SPTBN4: variants seen among roughly 807,000 people sequenced by gnomAD.
The protein encoded by SPTBN4 is spectrin beta, non-erythrocytic 4.
Under a neutral mutation model 277.8 loss-of-function variants are expected in SPTBN4, and 96 were observed. The ratio of observed to expected loss-of-function variants is 0.35; its 90% CI spans 0.29 to 0.41. The LOEUF (loss-of-function observed/expected upper bound fraction) is 0.41. Ranked by LOEUF, SPTBN4 falls within the 10% of genes least tolerant of loss-of-function variation. SPTBN4 has a pLI of 1.00. For missense variants in SPTBN4, 3,006 were observed against 3,595.7 expected, an observed-to-expected ratio of 0.84 and a Z score of 4.19; for synonymous variants, 1,481 against 1,580.3, an observed-to-expected ratio of 0.94 and a Z score of 1.49.
At position 40,487,970 on chromosome 19, in the gene SPTBN4, G is replaced by C. The variant is rs149277146; in HGVS notation, c.321+122G>C. ...GGCTCATGGGCGAGTGGAACGTGCT[G>C]GAAGGGCCCTGTGGGTAAGAGGTCC... On this transcript the variant is annotated intron_variant, in intron 3 of 35. Transcript: ENST00000598249. 6.3e-4 allele frequency: 738 copies of C among 1,170,542 alleles called. 3 individuals carry two copies. In the African/African-American group the frequency reaches 0.01, roughly 16 times the overall value. 72.5% of individuals were successfully genotyped at this position (1,170,542 alleles called of 1,614,324 possible).
intron 26 of SPTBN4, among the ~76,000 whole-genome samples, chr19:40,557,730 CAACGTGGTGA>C (rs961724622): frequency 3.9e-5 from 6 of 152,024 alleles, no homozygotes; most frequent in Admixed American, 6.6e-5. Flanking sequence ...CCAGCCTGGT[CAACGTGGTGA>C]AACCCCATCT....
At chr19:40,536,926 C>T (rs966900966) in intron 20 of SPTBN4, among the ~76,000 whole-genome samples, 10 of 151,972 alleles carry the variant, frequency 6.6e-5, no homozygotes, top group African/African-American at 2.2e-4. Flanking sequence ...GCTGGGACTA[C>T]GGACCCACAC....
intron 35 of SPTBN4, 150 bp downstream of exon 35, chr19:40,572,530 C>G (rs1420081945): frequency 1.0e-6 from 1 of 983,998 alleles, no homozygotes; most frequent in South Asian, 1.5e-5. Flanking sequence ...GCACTGAGAG[C>G]CCAAAGGAGG....
At chr19:40,521,166 G>A (rs909466732) in intron 16 of SPTBN4, among the ~76,000 whole-genome samples, 1 of 151,952 alleles carries the variant, frequency 6.6e-6, no homozygotes. Context: ...CTCATGATCC[G>A]CCTGCCTCGG....
Position 40,565,438 on chromosome 19 carries a change from G to A in SPTBN4, c.5931G>A (p.Val1977=). The A allele has an allele frequency of 6.2e-7, 1 of 1,613,840 alleles. No homozygotes were observed. Among genetic ancestry groups the A allele is most frequent in the Non-Finnish European group, 8.5e-7 (1 of 1,179,840 alleles). The part of the protein sequence containing the change: ...AADKPRDVSS[V]EVLMNYHQGL... Reference sequence around the variant, plus strand: ...CCCACTGCAGGGACGTGTCATCAGTGGAGGTGCTCATGAACTACCACCAGG... The same window carrying A: ...CCCACTGCAGGGACGTGTCATCAGTAGAGGTGCTCATGAACTACCACCAGG... The change falls in exon 28 of 36, where the codon GTG becomes GTA. Residue 1977 remains valine (V), a synonymous_variant. Coordinates refer to ENST00000598249, the MANE Select transcript of SPTBN4 (RefSeq NM_020971.3).
rs1208447098 is a variant in SPTBN4 at position 40,494,930 on chromosome 19, C to T, written c.621C>T (p.Thr207=). The T allele has an allele frequency of 6.2e-7, 1 of 1,614,042 alleles. No individual in the cohort carries two copies. Among genetic ancestry groups the T allele is most frequent in the Non-Finnish European group, 8.5e-7 (1 of 1,180,020 alleles). ...AGGTAAACATCCAGAATTTCACCAC[C>T]AGCTGGCGGGATGGCTTGGCCTTCA... ...YPEVNIQNFT[T]SWRDGLAFNA... Residue 207 remains threonine, a synonymous_variant, in exon 6 of 36, where the codon ACC becomes ACT. Coordinates refer to ENST00000598249, the MANE Select transcript of SPTBN4 (RefSeq NM_020971.3).
chr19:40,570,847 A>T, intron 33 of SPTBN4, 119 bp downstream of exon 33: 30 of 999,718 alleles, frequency 3.0e-5, no homozygotes, highest in East Asian at 7.2e-5. Flanking sequence ...AGGTGGCGGT[A>T]GTAGGTGGGG....
chr19:40,491,732 A>AAAAAAAG (rs2080139022), intron 4 of SPTBN4, among the ~76,000 whole-genome samples: 3 of 149,370 alleles, frequency 2.0e-5, no homozygotes, highest in Non-Finnish European at 3.0e-5. Flanking sequence ...AAAAAAAAAA[A>AAAAAAAG]AAAAAAGTGA....
Position 40,534,260 on chromosome 19 carries a change from C to T in SPTBN4, c.4276C>T (p.Leu1426Phe). 1 of 1,614,160 alleles carries T rather than the reference C, an allele frequency of 6.2e-7. No individual in the cohort carries two copies. Among genetic ancestry groups the T allele is most frequent in the South Asian group, 1.1e-5 (1 of 91,080 alleles). ...GAGCTTTGCTGAGCTGGACAAGAAG[C>T]TCCTTCACATGGAGAGCCAGCTGCA... ...VQSFAELDKK[L>F]LHMESQLQDV... Residue 1426 changes from leucine (L) to phenylalanine (F), a missense_variant, in exon 20 of 36, where the codon CTC becomes TTC. By Grantham distance (22) the Leu-to-Phe change is conservative (BLOSUM62 0). This residue lies in a region of SPTBN4 where 1,759 missense variants were observed against 2,061.5 expected (regional missense o/e 0.85). Transcript: ENST00000598249.
chr19:40,522,956 A>G (rs1051393509), intron 16 of SPTBN4, among the ~76,000 whole-genome samples: 9 of 151,754 alleles, frequency 5.9e-5, no homozygotes, highest in Non-Finnish European at 1.2e-4. Context: ...ACATGGTGAA[A>G]CCCCGTCTCT....
At chr19:40,529,380 C>G (rs1355241487) in intron 18 of SPTBN4, among the ~76,000 whole-genome samples, 1 of 152,220 alleles carries the variant, frequency 6.6e-6, no homozygotes, top group Non-Finnish European at 1.5e-5. Context: ...GTGTCCGCGC[C>G]TACGGGTCCC....
Position 40,549,432 on chromosome 19 carries a change from CCT to C in SPTBN4, c.4584+20_4584+21del. 1.9e-6 allele frequency: 1 copy of C among 529,486 alleles called. No individual in the cohort carries two copies. The highest frequency in any genetic ancestry group is 2.6e-6 in the Non-Finnish European group (1 of 390,514). The allele number at this position is 529,486 out of a possible 1,614,324, so 32.8% of individuals were successfully genotyped here. ...CGAGCTGGTGAGGCCAGCGCAGGGGCCTGGGGCGGGGCGGGGCGGGGCGGTGG... is the reference window on the plus strand; with the variant it reads ...CGAGCTGGTGAGGCCAGCGCAGGGGCGGGGCGGGGCGGGGCGGGGCGGTGG... On this transcript the variant is annotated intron_variant, in intron 21 of 35. Transcript: ENST00000598249.
intron 2 of SPTBN4, among the ~76,000 whole-genome samples, chr19:40,484,789 G>T (rs759001196): frequency 4.0e-5 from 6 of 151,758 alleles, no homozygotes; most frequent in Non-Finnish European, 8.8e-5. Flanking sequence ...AAAATTAGCC[G>T]GGCGTGGTGG....
intron 1 of SPTBN4, 37 bp downstream of exon 1, chr19:40,467,342 G>A (rs1006124263): frequency 6.6e-6 from 1 of 152,180 alleles, no homozygotes; most frequent in Admixed American, 6.6e-5. Flanking sequence ...CCTCCCCCAA[G>A]TATGTCCCCA....
At chr19:40,486,054 C>T (rs1320625126) in intron 2 of SPTBN4, among the ~76,000 whole-genome samples, 1 of 151,664 alleles carries the variant, frequency 6.6e-6, no homozygotes, top group Admixed American at 6.6e-5. Context: ...CTTTGGGAGG[C>T]CTATGTGGGT....
intron 2 of SPTBN4, among the ~76,000 whole-genome samples, chr19:40,474,486 G>A (rs2079924953): frequency 6.6e-6 from 1 of 150,990 alleles, no homozygotes; most frequent in African/African-American, 2.4e-5. Flanking sequence ...CTGGAGTGCA[G>A]TGGTGTGATC....
At position 40,560,538 on chromosome 19, in the gene SPTBN4, C is replaced by G. The variant is rs1320619661; in HGVS notation, c.5915+135C>G. ...GTGTGGCGCCTCTGTGTGCTAGGCA[C>G]TGTTCTAGGTGCTTCGTGTGTATTC... is the stretch of plus-strand genomic sequence containing the variant. On this transcript the variant is annotated intron_variant, in intron 27 of 35. Transcript: ENST00000598249. This position sits in a 1 kb window ranked among gnomAD's most constrained non-coding sequence, Gnocchi z 5.2. 2.6e-6 allele frequency: 4 copies of G among 1,562,086 alleles called. No homozygotes were observed. The highest frequency in any genetic ancestry group is 3.5e-6 in the Non-Finnish European group (4 of 1,154,422).
chr19:40,473,436 C>G (rs2079910796), intron 2 of SPTBN4, among the ~76,000 whole-genome samples: 1 of 149,464 alleles, frequency 6.7e-6, no homozygotes, highest in African/African-American at 2.5e-5. Context: ...CGGCTCACCG[C>G]AACCTCCACC....
intron 18 of SPTBN4, chr19:40,530,683 C>G: frequency 4.4e-5 from 19 of 427,960 alleles, no homozygotes; most frequent in Non-Finnish European, 5.4e-5. Context: ...GTCGTGGCCG[C>G]GGGAGGGAGG....
Sources: allele counts gnomAD v4.1 joint callset (sites outside exome capture counted in the v4.1 genomes callset), GRCh38; gene constraint gnomAD v4.1.1; regional missense constraint gnomAD v4.1.1; non-coding constraint Gnocchi (gnomAD v3.1); transcripts MANE v1.5; gene names NCBI Gene and HGNC (gene_info 2026-07-23, HGNC 2026-07-21).